Variants in VSNL1 observed in about 807,000 individuals in gnomAD.
The protein encoded by VSNL1 is visinin like 1, also known as visinin-like protein 1.
VSNL1 carries 6 observed loss-of-function variants against 20.4 expected under a neutral mutation model. That is an observed-to-expected ratio of 0.29 (90% CI 0.16 to 0.58). VSNL1 has a LOEUF of 0.58. Ranked by LOEUF, VSNL1 falls within the 20% of genes least tolerant of loss-of-function variation. The pLI is 0.90. For missense variants in VSNL1, 100 were observed against 234.5 expected (o/e 0.43, Z 3.75); for synonymous variants, 93 against 86.4 (o/e 1.08, Z -0.42).
chr2:17,561,733 G>A (rs1252111693), intron 1 of VSNL1, among the ~76,000 whole-genome samples: 2 of 152,132 alleles, frequency 1.3e-5, no homozygotes, highest in African/African-American at 4.8e-5. Context: ...AAATCTGAGA[G>A]AATTTAGGAG....
intron 2 of VSNL1, among the ~76,000 whole-genome samples, chr2:17,629,267 T>C (rs542127854): frequency 6.6e-6 from 1 of 152,308 alleles, no homozygotes; most frequent in East Asian, 1.9e-4. Context: ...TCCAAGACCT[T>C]GAGGCAGGTG....
intron 1 of VSNL1, among the ~76,000 whole-genome samples, chr2:17,555,937 C>CT (rs1393787026): frequency 6.6e-6 from 1 of 152,086 alleles, no homozygotes; most frequent in Non-Finnish European, 1.5e-5. Flanking sequence ...AGACAAATAT[C>CT]TTTTTTCAAG....
At chr2:17,633,983 C>T (rs554691531) in intron 2 of VSNL1, among the ~76,000 whole-genome samples, 18 of 152,214 alleles carry the variant, frequency 1.2e-4, no homozygotes, top group East Asian at 3.9e-4. Context: ...TCCCATGGAT[C>T]GGCACCAGCT....
intron 1 of VSNL1, among the ~76,000 whole-genome samples, chr2:17,557,097 G>A (rs1572330126): frequency 2.0e-5 from 3 of 151,900 alleles, no homozygotes; most frequent in East Asian, 1.9e-4. Flanking sequence ...TCTGCCAAGC[G>A]CTTTACATGC....
At chr2:17,612,893 C>T (rs1320692700) in intron 2 of VSNL1, among the ~76,000 whole-genome samples, 2 of 152,094 alleles carry the variant, frequency 1.3e-5, no homozygotes, top group Non-Finnish European at 2.9e-5. Context: ...GGGCTCAGTC[C>T]CCAGTTCTAG....
At chr2:17,591,924 G>GA in intron 1 of VSNL1, 146 bp from the exon 2 acceptor site, 2 of 752,670 alleles carry the variant, frequency 2.7e-6, no homozygotes, top group Non-Finnish European at 2.1e-6. Flanking sequence ...ATACCAAGTA[G>GA]AAGGAGGCAG....
intron 1 of VSNL1, among the ~76,000 whole-genome samples, chr2:17,590,391 C>A (rs1030586366): frequency 6.6e-6 from 1 of 152,176 alleles, no homozygotes; most frequent in Non-Finnish European, 1.5e-5. Context: ...CCACACCCAG[C>A]TGTGGAATTC....
At chr2:17,611,204 CCATT>C (rs1279251559) in intron 2 of VSNL1, among the ~76,000 whole-genome samples, 1 of 152,200 alleles carries the variant, frequency 6.6e-6, no homozygotes, top group African/African-American at 2.4e-5. Flanking sequence ...GCCCTAGATA[CCATT>C]ATTATCCCCA....
At chr2:17,648,780 C>T (rs980599692) in intron 2 of VSNL1, among the ~76,000 whole-genome samples, 1 of 152,204 alleles carries the variant, frequency 6.6e-6, no homozygotes, top group Non-Finnish European at 1.5e-5. Flanking sequence ...TGACAGTTGG[C>T]TCTGTGAAGA....
chr2:17,589,020 G>A (rs1180689105), intron 1 of VSNL1, among the ~76,000 whole-genome samples: 1 of 152,240 alleles, frequency 6.6e-6, no homozygotes, highest in East Asian at 1.9e-4. Flanking sequence ...TAATGATCAT[G>A]GAAGCTTTTA....
At chr2:17,620,254 T>C (rs568277884) in intron 2 of VSNL1, among the ~76,000 whole-genome samples, 2 of 152,268 alleles carry the variant, frequency 1.3e-5, no homozygotes, top group South Asian at 2.1e-4. Flanking sequence ...GCCCTTCTCA[T>C]GGGGATCCAA....
chr2:17,620,908 T>G (rs903719386), intron 2 of VSNL1, among the ~76,000 whole-genome samples: 3 of 152,240 alleles, frequency 2.0e-5, no homozygotes, highest in African/African-American at 4.8e-5. Flanking sequence ...AATTTTACAT[T>G]GTTTCAAAGG....
At chr2:17,615,770 G>A (rs2103397464) in intron 2 of VSNL1, among the ~76,000 whole-genome samples, 1 of 152,290 alleles carries the variant, frequency 6.6e-6, no homozygotes, top group East Asian at 1.9e-4. Context: ...GCCAGAGATA[G>A]GGAAAAGGTT....
At chr2:17,553,768 C>T (rs1175824327) in intron 1 of VSNL1, among the ~76,000 whole-genome samples, 1 of 151,936 alleles carries the variant, frequency 6.6e-6, no homozygotes. Flanking sequence ...CAAATTATAA[C>T]GTATCTCACG....
chr2:17,601,866 G>T (rs1053642436), intron 2 of VSNL1, among the ~76,000 whole-genome samples: 1 of 152,110 alleles, frequency 6.6e-6, no homozygotes, highest in Non-Finnish European at 1.5e-5. Context: ...AACCCGGGAG[G>T]CAGAGGTTGC....
intron 2 of VSNL1, among the ~76,000 whole-genome samples, chr2:17,627,142 G>C (rs142222403): frequency 6.6e-6 from 1 of 152,170 alleles, no homozygotes; most frequent in Non-Finnish European, 1.5e-5. Context: ...ATCACAGCCC[G>C]TGGCTGCCTC....
chr2:17,580,546 T>G (rs1483450346), intron 1 of VSNL1, among the ~76,000 whole-genome samples: 4 of 152,242 alleles, frequency 2.6e-5, no homozygotes, highest in Non-Finnish European at 5.9e-5. Flanking sequence ...GTCCAAACTC[T>G]GCCAGTGTTT....
intron 1 of VSNL1, among the ~76,000 whole-genome samples, chr2:17,565,146 T>C (rs909139558): frequency 4.6e-5 from 7 of 152,202 alleles, no homozygotes; most frequent in African/African-American, 1.7e-4. Context: ...AAATCATAGA[T>C]GGCCGTTTGA....
intron 1 of VSNL1, among the ~76,000 whole-genome samples, chr2:17,550,608 T>A (rs1360273961): frequency 6.6e-6 from 1 of 152,182 alleles, no homozygotes; most frequent in Non-Finnish European, 1.5e-5. Flanking sequence ...TAACTGGGAC[T>A]TCCCTTCCAG....
Sources: gnomAD v4.1 joint callset for allele counts (sites outside exome capture counted in the v4.1 genomes callset) on GRCh38, gnomAD v4.1.1 for gene constraint, MANE v1.5 for transcripts, NCBI Gene and HGNC (gene_info 2026-07-23, HGNC 2026-07-21) for gene names.